Variants in DIAPH3 observed in about 807,000 individuals in gnomAD.
DIAPH3 encodes diaphanous related formin 3, also known as protein diaphanous homolog 3.
In DIAPH3, 117 loss-of-function variants were observed where a neutral mutation model predicts 144.3. That is an observed-to-expected ratio of 0.81 (90% CI 0.70 to 0.95). DIAPH3 has a LOEUF of 0.95. Ranked by LOEUF, DIAPH3 falls within the 40% of genes least tolerant of loss-of-function variation. DIAPH3 has a pLI of 0.00. For missense variants in DIAPH3, 1,421 were observed against 1,412.7 expected (o/e 1.01, Z -0.09); for synonymous variants, 519 against 488.9 (o/e 1.06, Z -0.81).
chr13:60,160,786 T>G (rs1387290264), intron 1 of DIAPH3, among the ~76,000 whole-genome samples: 1 of 152,130 alleles, frequency 6.6e-6, no homozygotes, highest in Non-Finnish European at 1.5e-5. Flanking sequence ...ACCAAGTTGG[T>G]TAATTCACAA....
intron 9 of DIAPH3, among the ~76,000 whole-genome samples, chr13:59,995,554 G>A (rs1255416513): frequency 6.6e-6 from 1 of 151,826 alleles, no homozygotes; most frequent in Non-Finnish European, 1.5e-5. Flanking sequence ...TATATACCAG[G>A]CACTGTTCTT....
intron 27 of DIAPH3, among the ~76,000 whole-genome samples, chr13:59,686,512 G>GA (rs147211642): frequency 0.13 from 18,852 of 144,488 alleles, 1,603 homozygotes; most frequent in East Asian, 0.4. Flanking sequence ...GGCTCTTCAG[G>GA]AAAAAAAAAA....
intron 11 of DIAPH3, 78 bp from the exon 12 acceptor site, chr13:59,991,352 G>A: frequency 9.5e-7 from 1 of 1,056,952 alleles, no homozygotes; most frequent in Non-Finnish European, 1.5e-6. Flanking sequence ...AATTTGTCCT[G>A]TAAGGTTTTG....
At chr13:59,933,712 C>T (rs2048131351) in intron 17 of DIAPH3, among the ~76,000 whole-genome samples, 1 of 152,140 alleles carries the variant, frequency 6.6e-6, no homozygotes, top group Non-Finnish European at 1.5e-5. Flanking sequence ...ACTAACACAG[C>T]ATATGCAGCA....
chr13:60,112,342 A>C lies in DIAPH3; in HGVS notation c.214-156T>G, dbSNP rs1933055. On this transcript the variant is annotated intron_variant, in intron 2 of 27. Coordinates refer to ENST00000400324, the MANE Select transcript of DIAPH3 (RefSeq NM_001042517.2). Reference sequence around the variant, plus strand: ...TGGAATATTTAAAATTAATAATAATAAAGAGTGGTGAAAATTTTTCAGCAA... The same window carrying C: ...TGGAATATTTAAAATTAATAATAATCAAGAGTGGTGAAAATTTTTCAGCAA... Among the ~76,000 whole-genome samples the C allele has an allele frequency of 0.25, 37,899 of 152,164 alleles. 5,548 individuals carry two copies. The highest frequency in any genetic ancestry group is 0.38 in the Admixed American group (5,775 of 15,280).
intron 21 of DIAPH3, among the ~76,000 whole-genome samples, chr13:59,863,558 T>G (rs2043730930): frequency 1.3e-5 from 2 of 152,144 alleles, no homozygotes; most frequent in African/African-American, 4.8e-5. Context: ...ACTGACTACT[T>G]ATTGATTCAA....
chr13:59,916,977 C>G (rs1271211351), intron 18 of DIAPH3, among the ~76,000 whole-genome samples: 1 of 152,114 alleles, frequency 6.6e-6, no homozygotes, highest in Non-Finnish European at 1.5e-5. Context: ...AGGATATTTT[C>G]ACAGCAACAG....
At chr13:59,966,465 T>C (rs762633871) in intron 17 of DIAPH3, among the ~76,000 whole-genome samples, 16 of 151,852 alleles carry the variant, frequency 1.1e-4, no homozygotes, top group Non-Finnish European at 2.4e-4. Flanking sequence ...CAAGATAATA[T>C]GAAGAGAACC....
At chr13:60,053,419 AT>A (rs2056436372) in intron 4 of DIAPH3, among the ~76,000 whole-genome samples, 1 of 152,150 alleles carries the variant, frequency 6.6e-6, no homozygotes, top group African/African-American at 2.4e-5. Context: ...CCTTTAGCAA[AT>A]TTTATTCTAA....
chr13:60,025,404 C>T (rs1442060043), intron 5 of DIAPH3, among the ~76,000 whole-genome samples: 26 of 68,148 alleles, frequency 3.8e-4, no homozygotes, highest in African/African-American at 1.4e-3. Context: ...TTGTGCTTAG[C>T]AAAAAAAAAA....
chr13:59,730,263 C>T (rs7319761), intron 27 of DIAPH3, among the ~76,000 whole-genome samples: 6,678 of 152,204 alleles, frequency 0.044, 235 homozygotes, highest in South Asian at 0.1. Context: ...CTGCCTGGCA[C>T]GCCAATTTCT....
intron 22 of DIAPH3, among the ~76,000 whole-genome samples, chr13:59,841,608 T>C (rs1463336955): frequency 6.6e-6 from 1 of 152,102 alleles, no homozygotes; most frequent in African/African-American, 2.4e-5. Context: ...ATTAAGTAAA[T>C]ACATGCTCAG....
chr13:60,120,138 G>C (rs1170559143), intron 2 of DIAPH3, among the ~76,000 whole-genome samples: 1 of 152,216 alleles, frequency 6.6e-6, no homozygotes, highest in Non-Finnish European at 1.5e-5. Flanking sequence ...GCTTTGGAAT[G>C]TAAGTACAAC....
chr13:59,764,831 T>A (rs2037787707), intron 27 of DIAPH3, among the ~76,000 whole-genome samples: 1 of 152,072 alleles, frequency 6.6e-6, no homozygotes, highest in Admixed American at 6.5e-5. Flanking sequence ...TATTTCAGAC[T>A]TCTAGCCTCC....
intron 4 of DIAPH3, among the ~76,000 whole-genome samples, chr13:60,049,905 T>C (rs1286833761): frequency 1.3e-5 from 2 of 152,190 alleles, no homozygotes; most frequent in African/African-American, 4.8e-5. Context: ...ATAACGCTTG[T>C]GCGGCTAAGC....
At chr13:59,824,704 C>A (rs372578653) in intron 24 of DIAPH3, among the ~76,000 whole-genome samples, 11 of 151,930 alleles carry the variant, frequency 7.2e-5, no homozygotes, top group East Asian at 5.8e-4. Flanking sequence ...ATGTCTATAC[C>A]CATCTACAAA....
chr13:59,829,930 TA>T (rs2041684666), intron 24 of DIAPH3, among the ~76,000 whole-genome samples: 1 of 151,906 alleles, frequency 6.6e-6, no homozygotes, highest in African/African-American at 2.4e-5. Context: ...CACTTTATGA[TA>T]AAAGCTCATT....
chr13:59,774,731 T>C lies in DIAPH3; in HGVS notation c.3256A>G (p.Lys1086Glu). Residue 1086 changes from lysine to glutamate, a missense_variant, in exon 26 of 28, where the codon AAA becomes GAA. Transcript: ENST00000400324. ...ATGAAACAAGTATAGGGTTCACCTTTTGGCATCGGTGTCCTTTTTCTTCTG... is the reference window on the plus strand; with the variant it reads ...ATGAAACAAGTATAGGGTTCACCTTCTGGCATCGGTGTCCTTTTTCTTCTG... The part of the protein sequence containing the change: ...RDRRKRTPMP[K>E]DVRQSLSPMS... The C allele has an allele frequency of 6.2e-7, 1 of 1,614,020 alleles. No individual in the cohort carries two copies. The highest frequency in any genetic ancestry group is 8.5e-7 in the Non-Finnish European group (1 of 1,179,882).
intron 3 of DIAPH3, among the ~76,000 whole-genome samples, chr13:60,095,770 C>A (rs1167127961): frequency 6.6e-6 from 1 of 152,174 alleles, no homozygotes; most frequent in African/African-American, 2.4e-5. Flanking sequence ...CATAGTTTTA[C>A]TTTACTGAAT....
Sources: gnomAD v4.1 joint callset for allele counts (sites outside exome capture counted in the v4.1 genomes callset) on GRCh38, gnomAD v4.1.1 for gene constraint, MANE v1.5 for transcripts, NCBI Gene and HGNC (gene_info 2026-07-23, HGNC 2026-07-21) for gene names.